SLC24A2: variants seen among roughly 807,000 people sequenced by gnomAD.
SLC24A2 encodes solute carrier family 24 member 2.
A neutral mutation model predicts 62.0 loss-of-function variants in SLC24A2; 36 were observed. The observed-to-expected ratio is 0.58, with a 90% CI of 0.44 to 0.77. SLC24A2 has a LOEUF of 0.77. Among genes scored for constraint, SLC24A2 ranks in the 30% least tolerant of loss-of-function variants. The probability of loss-of-function intolerance (pLI) is 0.00; values close to 1 mark genes in which losing one functional copy is unlikely to be tolerated. For missense variants in SLC24A2, 846 were observed against 817.9 expected, an observed-to-expected ratio of 1.03 and a Z score of -0.42; for synonymous variants, 358 against 294.0, an observed-to-expected ratio of 1.22 and a Z score of -2.23.
At chr9:20,263,140 CT>C in the SLC24A2 span, among the ~76,000 whole-genome samples, 9 of 152,180 alleles carry the variant, frequency 5.9e-5, no homozygotes, top group African/African-American at 2.2e-4. Context: ...CTCATGTGTA[CT>C]TTTATGTTTC....
the SLC24A2 span, among the ~76,000 whole-genome samples, chr9:20,102,903 A>C: frequency 6.6e-6 from 1 of 152,032 alleles, no homozygotes; most frequent in Admixed American, 6.6e-5. Context: ...GCATTGCCTC[A>C]CTCTGGAAGC....
chr9:20,110,723 A>C, the SLC24A2 span, among the ~76,000 whole-genome samples: 1 of 152,160 alleles, frequency 6.6e-6, no homozygotes, highest in African/African-American at 2.4e-5. Flanking sequence ...GGGAAGGAAA[A>C]AAATGTTGAT....
chr9:19,873,527 C>T, the SLC24A2 span, among the ~76,000 whole-genome samples: 6,214 of 127,690 alleles, frequency 0.049, 204 homozygotes, highest in Non-Finnish European at 0.07. Context: ...CTCTCTCCTT[C>T]CTTTCTTTCT....
At chr9:19,818,192 C>T in the SLC24A2 span, among the ~76,000 whole-genome samples, 2 of 152,068 alleles carry the variant, frequency 1.3e-5, no homozygotes, top group African/African-American at 4.8e-5. Flanking sequence ...ATTCTTGTAA[C>T]ATTCCTCCAG....
At chr9:20,270,709 T>G in the SLC24A2 span, among the ~76,000 whole-genome samples, 1 of 152,200 alleles carries the variant, frequency 6.6e-6, no homozygotes, top group Non-Finnish European at 1.5e-5. Flanking sequence ...TGTGACAGAC[T>G]CTGGGGATAT....
At chr9:20,100,890 C>T in the SLC24A2 span, among the ~76,000 whole-genome samples, 2 of 152,100 alleles carry the variant, frequency 1.3e-5, no homozygotes, top group African/African-American at 4.8e-5. Flanking sequence ...AAGCAAATTT[C>T]TTACAGACAT....
chr9:20,202,236 A>C, the SLC24A2 span, among the ~76,000 whole-genome samples: 2 of 152,150 alleles, frequency 1.3e-5, no homozygotes, highest in African/African-American at 2.4e-5. Flanking sequence ...GTTTTGTGCA[A>C]AACACGCCAG....
chr9:19,695,461 G>T (rs1820161662), intron 2 of SLC24A2, among the ~76,000 whole-genome samples: 1 of 151,946 alleles, frequency 6.6e-6, no homozygotes, highest in African/African-American at 2.4e-5. Context: ...AAGAAAAAAA[G>T]TATTGGAGAA....
chr9:19,917,466 C>A, the SLC24A2 span, among the ~76,000 whole-genome samples: 1 of 150,744 alleles, frequency 6.6e-6, no homozygotes, highest in Non-Finnish European at 1.5e-5. Context: ...TGACATTAGA[C>A]CTCTAAATTA....
the SLC24A2 span, among the ~76,000 whole-genome samples, chr9:20,109,986 G>C: frequency 6.6e-6 from 1 of 152,048 alleles, no homozygotes; most frequent in Non-Finnish European, 1.5e-5. Flanking sequence ...TTTACACAAA[G>C]AAACTGTGTT....
intron 2 of SLC24A2, among the ~76,000 whole-genome samples, chr9:19,627,214 A>T (rs906444455): frequency 6.6e-6 from 1 of 152,208 alleles, no homozygotes; most frequent in Non-Finnish European, 1.5e-5. Context: ...GATGGACAGA[A>T]GGGGTAGAAA....
rs758278481 is a variant in SLC24A2 at position 19,603,427 on chromosome 9, T to C, written c.1079-6148A>G. ...GGATTTATGAAGTGCTGTGTACAGA[T>C]AGGCCTGTTGGTTTCTTTCATAGAA... On this transcript the variant is annotated intron_variant, in intron 4 of 10. Coordinates refer to ENST00000341998, the MANE Select transcript of SLC24A2 (RefSeq NM_020344.4). Among the ~76,000 whole-genome samples the C allele has an allele frequency of 2.4e-4, 37 of 152,140 alleles. 1 individual carries two copies. The highest frequency in any genetic ancestry group is 4.9e-4 in the Non-Finnish European group (33 of 68,030).
Position 19,550,706 on chromosome 9 carries a change from CTT to C in SLC24A2, c.1348-440_1348-439del, listed in dbSNP as rs10630327. Among the ~76,000 whole-genome samples the C allele has an allele frequency of 1.5e-3, 224 of 145,124 alleles. 1 individual carries two copies. Among genetic ancestry groups the C allele is most frequent in the African/African-American group, 5.4e-3 (213 of 39,702 alleles). On this transcript the variant is annotated intron_variant, in intron 7 of 10. Coordinates refer to ENST00000341998, the MANE Select transcript of SLC24A2 (RefSeq NM_020344.4). ...ACTGATAAAAAATATTTCTTTTTCT[CTT>C]TTTTTTTTTTTGGAACACTGATTTT... is the stretch of plus-strand genomic sequence containing the variant.
At chr9:19,619,242 A>G (rs1432813305) in intron 4 of SLC24A2, among the ~76,000 whole-genome samples, 8 of 152,194 alleles carry the variant, frequency 5.3e-5, no homozygotes, top group Non-Finnish European at 1.2e-4. Context: ...TTTGTTTTGA[A>G]ACTTAGAAAT....
the SLC24A2 span, among the ~76,000 whole-genome samples, chr9:20,083,123 A>C: frequency 6.6e-6 from 1 of 152,228 alleles, no homozygotes; most frequent in African/African-American, 2.4e-5. Flanking sequence ...AGAGCTTCTG[A>C]AACTTTTGTT....
the SLC24A2 span, among the ~76,000 whole-genome samples, chr9:20,156,581 A>G: frequency 6.6e-6 from 1 of 151,726 alleles, no homozygotes; most frequent in African/African-American, 2.4e-5. Context: ...CTCTTCACCC[A>G]AGGCACATAT....
chr9:19,535,499 G>A lies in SLC24A2; in HGVS notation c.1480-7361C>T, dbSNP rs561019223. Among the ~76,000 whole-genome samples, 3 of 152,312 alleles carry A rather than the reference G, an allele frequency of 2.0e-5. No homozygotes were observed. The South Asian group carries it at 6.2e-4, about 32-fold the overall frequency. ...TTACGGTTTTAGGTCTTAAGGTGGA[G>A]TCTTTAATCCATCTTGAGTTAATTT... On this transcript the variant is annotated intron_variant, in intron 8 of 10. Coordinates refer to ENST00000341998, the MANE Select transcript of SLC24A2 (RefSeq NM_020344.4).
chr9:20,124,528 A>G, the SLC24A2 span, among the ~76,000 whole-genome samples: 1 of 152,138 alleles, frequency 6.6e-6, no homozygotes, highest in Admixed American at 6.5e-5. Flanking sequence ...TTCAGATGCC[A>G]TGTTGCTGCT....
At position 19,672,115 on chromosome 9, in the gene SLC24A2, T is replaced by C. The variant is rs542003861; in HGVS notation, c.931-49816A>G. Among the ~76,000 whole-genome samples the C allele has an allele frequency of 2.7e-5, 4 of 146,920 alleles. No homozygotes were observed. The South Asian group carries it at 8.6e-4, about 32-fold the overall frequency. The stretch of plus-strand genomic sequence containing the variant: ...CCTCTTTCTCTATCTTGTGGAATAG[T>C]GTCAATAGGATTGGTACCAGTTCTT... On this transcript the variant is annotated intron_variant, in intron 2 of 10. Coordinates refer to ENST00000341998, the MANE Select transcript of SLC24A2 (RefSeq NM_020344.4).
Sources: allele counts gnomAD v4.1 joint callset (sites outside exome capture counted in the v4.1 genomes callset), GRCh38; gene constraint gnomAD v4.1.1; transcripts MANE v1.5; gene names NCBI Gene and HGNC (gene_info 2026-07-23, HGNC 2026-07-21).